PFKFB3: variants seen among roughly 807,000 people sequenced by gnomAD.
The protein encoded by PFKFB3 is 6-phosphofructo-2-kinase/fructose-2,6-bisphosphatase 3.
Under a neutral mutation model 68.0 loss-of-function variants are expected in PFKFB3, and 33 were observed. That is an observed-to-expected ratio of 0.49 (90% confidence interval 0.37 to 0.65). The LOEUF is 0.65. Among genes scored for constraint, PFKFB3 ranks in the 30% least tolerant of loss-of-function variants. The pLI is 0.00. For missense variants in PFKFB3, 586 were observed against 712.2 expected (o/e 0.82, Z 2.02); for synonymous variants, 315 against 288.2 (o/e 1.09, Z -0.94).
intron 1 of PFKFB3, among the ~76,000 whole-genome samples, chr10:6,196,371 T>G (rs911725496): frequency 2.6e-5 from 4 of 151,932 alleles, no homozygotes; most frequent in African/African-American, 9.7e-5. Context: ...ATAGGATAGA[T>G]GTATATATAA....
In PFKFB3 at chr10:6,188,828, A is replaced by ATT. The variant is rs35338599; in HGVS notation, c.17-24771_17-24770dup. Among the ~76,000 whole-genome samples the ATT allele has an allele frequency of 3.2e-4, 36 of 113,040 alleles. 1 individual carries two copies. The highest frequency in any genetic ancestry group is 5.9e-4 in the South Asian group (2 of 3,384). The allele number at this position is 113,040 out of a possible 152,430, so 74.2% of individuals were successfully genotyped here. A position where few individuals can be genotyped will look rare whatever the true frequency, so the allele number is the denominator to read the frequency against. ...GCTCTGACGGATTTCCTTCCTTTTA[A>ATT]TTTTTTTTTTTTTTTTTTTTTTTTT... is the stretch of plus-strand genomic sequence containing the variant. On this transcript the variant is annotated intron_variant, in intron 1 of 14. Transcript: ENST00000379789.
the PFKFB3 span, among the ~76,000 whole-genome samples, chr10:6,288,586 C>T: frequency 6.6e-6 from 1 of 151,766 alleles, no homozygotes; most frequent in Non-Finnish European, 1.5e-5. Context: ...GCCACATTTT[C>T]TTAATCCAGT....
intron 13 of PFKFB3, chr10:6,225,024 T>G (rs1357204983): frequency 2.3e-6 from 1 of 428,944 alleles, no homozygotes; most frequent in African/African-American, 2.0e-5. Context: ...CCTCGAGGCC[T>G]GGCCGTGCAG....
chr10:6,190,192 C>G (rs1487296856), intron 1 of PFKFB3, among the ~76,000 whole-genome samples: 1 of 152,214 alleles, frequency 6.6e-6, no homozygotes, highest in Non-Finnish European at 1.5e-5. Context: ...GATCCACCCG[C>G]CTTGGCCTCT....
chr10:6,271,119 C>A, the PFKFB3 span, among the ~76,000 whole-genome samples: 1 of 152,182 alleles, frequency 6.6e-6, no homozygotes, highest in Non-Finnish European at 1.5e-5. Flanking sequence ...AACCACTTCC[C>A]CCGTCTGGAA....
At chr10:6,211,597 C>T (rs1844234410) in intron 1 of PFKFB3, among the ~76,000 whole-genome samples, 1 of 152,200 alleles carries the variant, frequency 6.6e-6, no homozygotes, top group Non-Finnish European at 1.5e-5. Flanking sequence ...GCCACCATCT[C>T]TCCGTGTGCC....
In PFKFB3 at chr10:6,235,175, A is replaced by C. The variant is rs1174111986; in HGVS notation, c.*2233A>C. On this transcript the variant is annotated 3_prime_UTR_variant, in exon 15 of 15. Coordinates refer to ENST00000379775, the MANE Select transcript of PFKFB3 (RefSeq NM_004566.4). ...TCCCCCCTCCTTATTCTGTCCTGAGACCACGGGCAAAGCTCTTCATTTTGA... is the reference window on the plus strand; with the variant it reads ...TCCCCCCTCCTTATTCTGTCCTGAGCCCACGGGCAAAGCTCTTCATTTTGA... 6.5e-6 allele frequency: 1 copy of C among 152,760 alleles called. No homozygotes were observed. Among genetic ancestry groups the C allele is most frequent in the African/African-American group, 2.4e-5 (1 of 41,436 alleles). The allele number at this position is 152,760 out of a possible 1,614,324, so 9.5% of individuals were successfully genotyped here.
intron 2 of PFKFB3, among the ~76,000 whole-genome samples, chr10:6,214,393 T>A (rs1328827548): frequency 1.3e-5 from 2 of 152,158 alleles, no homozygotes; most frequent in East Asian, 3.9e-4. Flanking sequence ...CAAAATTGTC[T>A]TCCACGAAAG....
intron 14 of PFKFB3, among the ~76,000 whole-genome samples, chr10:6,243,828 A>T (rs1280131925): frequency 6.6e-6 from 1 of 152,132 alleles, no homozygotes; most frequent in Non-Finnish European, 1.5e-5. Flanking sequence ...GGTTCAAGTG[A>T]TCCTCCCACC....
At chr10:6,156,721 C>T (rs923691821) in intron 1 of PFKFB3, among the ~76,000 whole-genome samples, 1 of 147,598 alleles carries the variant, frequency 6.8e-6, no homozygotes, top group Non-Finnish European at 1.5e-5. Context: ...TCCCTGACCT[C>T]GTGATCCGCC....
the PFKFB3 span, among the ~76,000 whole-genome samples, chr10:6,303,891 A>T: frequency 1.3e-5 from 2 of 152,110 alleles, no homozygotes; most frequent in Non-Finnish European, 2.9e-5. Flanking sequence ...ACAGGAGTGA[A>T]GTGTCCCATC....
intron 1 of PFKFB3, 87 bp downstream of exon 1, chr10:6,203,423 C>G (rs1430569041): frequency 1.1e-6 from 1 of 924,638 alleles, no homozygotes; most frequent in Non-Finnish European, 1.5e-6. Context: ...CGACGCCCCT[C>G]TGCGGGGGGC....
the PFKFB3 span, among the ~76,000 whole-genome samples, chr10:6,280,448 G>A: frequency 7.3e-3 from 1,115 of 152,300 alleles, 9 homozygotes; most frequent in African/African-American, 0.025. Flanking sequence ...GAAGTAGGAC[G>A]GGCCAGTGGC....
In PFKFB3 at chr10:6,235,198, TGA is replaced by T. The variant is rs1845964433; in HGVS notation, c.*2263_*2264del. 6.5e-6 allele frequency: 1 copy of T among 152,804 alleles called. No individual in the cohort carries two copies. Among genetic ancestry groups the T allele is most frequent in the African/African-American group, 2.4e-5 (1 of 41,466 alleles). The allele number at this position is 152,804 out of a possible 1,614,324, so 9.5% of individuals were successfully genotyped here. ...AGACCACGGGCAAAGCTCTTCATTT[TGA>T]GAGAGAAGAAAAACTGTTTGGAACC... On this transcript the variant is annotated 3_prime_UTR_variant, in exon 15 of 15. Coordinates refer to ENST00000379775, the MANE Select transcript of PFKFB3 (RefSeq NM_004566.4).
the PFKFB3 span, chr10:6,277,745 T>G: frequency 2.3e-6 from 1 of 425,844 alleles, no homozygotes; most frequent in Non-Finnish European, 4.7e-6. Flanking sequence ...CCACGCTTTC[T>G]GTACAGCCTA....
At chr10:6,182,604 G>A (rs1330784405) in intron 1 of PFKFB3, among the ~76,000 whole-genome samples, 1 of 152,214 alleles carries the variant, frequency 6.6e-6, no homozygotes, top group African/African-American at 2.4e-5. Flanking sequence ...GGTCCCGAGC[G>A]GGAGTGCCGG....
chr10:6,305,936 T>C, the PFKFB3 span, among the ~76,000 whole-genome samples: 4 of 152,220 alleles, frequency 2.6e-5, no homozygotes, highest in Admixed American at 1.3e-4. Flanking sequence ...CAGGTTTTTT[T>C]CCCCTTCTCC....
chr10:6,310,391 C>G, the PFKFB3 span, among the ~76,000 whole-genome samples: 1 of 152,088 alleles, frequency 6.6e-6, no homozygotes, highest in Non-Finnish European at 1.5e-5. Context: ...CCCTGTCCCT[C>G]CCAAAGCACA....
At chr10:6,292,892 A>C in the PFKFB3 span, among the ~76,000 whole-genome samples, 1 of 152,166 alleles carries the variant, frequency 6.6e-6, no homozygotes, top group Non-Finnish European at 1.5e-5. Flanking sequence ...CACCTCTATA[A>C]AACCAGGATA....
Sources: allele counts gnomAD v4.1 joint callset (sites outside exome capture counted in the v4.1 genomes callset), GRCh38; gene constraint gnomAD v4.1.1; transcripts MANE v1.5; gene names NCBI Gene and HGNC (gene_info 2026-07-23, HGNC 2026-07-21).